The following PDE4D variants were observed in gnomAD, a reference collection of about 807,000 sequenced individuals.
PDE4D encodes the protein phosphodiesterase 4D.
Under a neutral mutation model 87.4 loss-of-function variants are expected in PDE4D, and 24 were observed. The observed-to-expected ratio is 0.27, with a 90% CI of 0.20 to 0.39. The LOEUF (loss-of-function observed/expected upper bound fraction) is 0.39, where lower values mean the gene tolerates loss of function less well. Among genes scored for constraint, PDE4D ranks in the 10% least tolerant of loss-of-function variants. PDE4D has a pLI of 1.00. For synonymous variants in PDE4D, 384 were observed against 383.2 expected (o/e 1.00, Z -0.02); for missense variants, 714 against 1,041.0 (o/e 0.69, Z 4.32).
At chr5:59,324,138 C>T (rs1308777212) in intron 1 of PDE4D, among the ~76,000 whole-genome samples, 2 of 152,138 alleles carry the variant, frequency 1.3e-5, no homozygotes, top group African/African-American at 4.8e-5. Context: ...ATTAAAAGCC[C>T]ACTCTGGCAT....
chr5:60,062,903 C>A (rs1771576669), intron 2 of PDE4D, among the ~76,000 whole-genome samples: 1 of 151,724 alleles, frequency 6.6e-6, no homozygotes, highest in Admixed American at 6.6e-5. Flanking sequence ...CAACACACAC[C>A]AGGGCCTGTT....
intron 1 of PDE4D, among the ~76,000 whole-genome samples, chr5:60,500,709 A>G (rs1450443263): frequency 6.6e-6 from 1 of 152,216 alleles, no homozygotes; most frequent in Non-Finnish European, 1.5e-5. Context: ...CAGGCAGCTT[A>G]CTGAAATAAT....
intron 1 of PDE4D, among the ~76,000 whole-genome samples, chr5:60,505,078 G>C (rs1268939087): frequency 6.6e-6 from 1 of 152,204 alleles, no homozygotes; most frequent in Admixed American, 6.5e-5. Context: ...AGCATTTCTT[G>C]TGAAGGGGGC....
At chr5:60,087,035 T>C (rs1399051723) in intron 2 of PDE4D, among the ~76,000 whole-genome samples, 3 of 152,222 alleles carry the variant, frequency 2.0e-5, no homozygotes, top group Non-Finnish European at 4.4e-5. Flanking sequence ...GTTCTGGTAC[T>C]CACCTGTCTT....
intron 3 of PDE4D, among the ~76,000 whole-genome samples, chr5:59,967,854 C>T (rs1327941441): frequency 2.6e-5 from 4 of 152,082 alleles, no homozygotes; most frequent in African/African-American, 9.6e-5. Context: ...CCCAGGTGCC[C>T]ATCAATAGTA....
At chr5:59,012,582 C>T (rs1264087222) in intron 6 of PDE4D, among the ~76,000 whole-genome samples, 1 of 152,176 alleles carries the variant, frequency 6.6e-6, no homozygotes, top group African/African-American at 2.4e-5. Flanking sequence ...GTAAAGGGAT[C>T]AATTCAACAA....
intron 1 of PDE4D, among the ~76,000 whole-genome samples, chr5:59,288,711 A>G (rs886418548): frequency 6.6e-6 from 1 of 152,152 alleles, no homozygotes; most frequent in African/African-American, 2.4e-5. Flanking sequence ...GGCAAGAAAA[A>G]ATAAAGAAAA....
rs144998720 is a variant in PDE4D at position 59,173,467 on chromosome 5, T to C, written c.808+7128A>G. The stretch of plus-strand genomic sequence containing the variant: ...CCATGCATTTATGCAAATCTTTCAG[T>C]TCAATGTTTTTACCGGAAGATTCTT... On this transcript the variant is annotated intron_variant, in intron 5 of 14. Coordinates refer to ENST00000340635, the MANE Select transcript of PDE4D (RefSeq NM_001104631.2). Among the ~76,000 whole-genome samples the C allele has an allele frequency of 3.1e-3, 473 of 152,360 alleles. 1 individual carries two copies. The highest frequency in any genetic ancestry group is 6.0e-3 in the South Asian group (29 of 4,832).
chr5:59,832,928 G>A (rs6868846), intron 1 of PDE4D, among the ~76,000 whole-genome samples: 44,505 of 151,850 alleles, frequency 0.29, 6,697 homozygotes, highest in Middle Eastern at 0.48. Flanking sequence ...GGGTTCATTC[G>A]TTGAAGCAGA....
chr5:59,612,710 G>T (rs938170050), intron 1 of PDE4D, among the ~76,000 whole-genome samples: 1 of 152,138 alleles, frequency 6.6e-6, no homozygotes, highest in African/African-American at 2.4e-5. Context: ...CAAAATAAAA[G>T]GATAGCCTCA....
chr5:60,159,129 A>G (rs956238794), intron 2 of PDE4D, among the ~76,000 whole-genome samples: 3 of 152,158 alleles, frequency 2.0e-5, no homozygotes, highest in African/African-American at 7.2e-5. Flanking sequence ...AAACCCATAC[A>G]TTAGCCTAGG....
intron 1 of PDE4D, among the ~76,000 whole-genome samples, chr5:59,883,702 T>C (rs1218104948): frequency 6.6e-6 from 1 of 152,190 alleles, no homozygotes; most frequent in African/African-American, 2.4e-5. Context: ...ACTCATTTTT[T>C]AACTTACCGA....
At chr5:60,322,367 T>TACACATAC (rs1756360713) in intron 1 of PDE4D, among the ~76,000 whole-genome samples, 1 of 132,724 alleles carries the variant, frequency 7.5e-6, no homozygotes, top group Non-Finnish European at 1.6e-5. Flanking sequence ...TGGACACACA[T>TACACATAC]ACACACACAC....
intron 2 of PDE4D, among the ~76,000 whole-genome samples, chr5:60,067,572 C>T (rs1772241007): frequency 6.6e-6 from 1 of 152,062 alleles, no homozygotes; most frequent in African/African-American, 2.4e-5. Flanking sequence ...AAACATTAAA[C>T]ACAAAACTAC....
At position 59,786,104 on chromosome 5, in the gene PDE4D, C is replaced by G. The variant is rs570922287; in HGVS notation, c.455+107064G>C. The stretch of plus-strand genomic sequence containing the variant: ...CACATCAACTGGCCTCCCCTCTCCC[C>G]ATCCCCGGCATCTATTTTCTAGCCT... On this transcript the variant is annotated intron_variant, in intron 1 of 14. Transcript: ENST00000340635. Among the ~76,000 whole-genome samples the G allele has an allele frequency of 2.6e-5, 4 of 152,262 alleles. No individual in the cohort carries two copies. The South Asian group carries it at 6.2e-4, about 24-fold the overall frequency.
chr5:59,524,197 A>G (rs866360234), intron 1 of PDE4D, among the ~76,000 whole-genome samples: 1 of 152,216 alleles, frequency 6.6e-6, no homozygotes, highest in Non-Finnish European at 1.5e-5. Flanking sequence ...AAATGTGGGA[A>G]AATGTGCAAC....
chr5:59,628,079 T>C (rs943636932), intron 1 of PDE4D, among the ~76,000 whole-genome samples: 1 of 152,206 alleles, frequency 6.6e-6, no homozygotes, highest in African/African-American at 2.4e-5. Context: ...AAATAAAAAA[T>C]TGCTGCCACA....
chr5:59,107,008 T>C (rs2153436364), intron 5 of PDE4D, among the ~76,000 whole-genome samples: 1 of 152,304 alleles, frequency 6.6e-6, no homozygotes, highest in East Asian at 1.9e-4. Context: ...AGAGCTGTCA[T>C]TTAAAAGTCA....
At chr5:59,053,404 C>T (rs1761841006) in intron 5 of PDE4D, among the ~76,000 whole-genome samples, 1 of 137,722 alleles carries the variant, frequency 7.3e-6, no homozygotes, top group Non-Finnish European at 1.6e-5. Context: ...CACACACACA[C>T]ACAATCTCTA....
Sources: allele counts gnomAD v4.1 joint callset (sites outside exome capture counted in the v4.1 genomes callset), GRCh38; gene constraint gnomAD v4.1.1; transcripts MANE v1.5; gene names NCBI Gene and HGNC (gene_info 2026-07-23, HGNC 2026-07-21).